CLYBL: variants seen among roughly 807,000 people sequenced by gnomAD.
CLYBL encodes citramalyl-CoA lyase, also known as citramalyl-CoA lyase, mitochondrial.
Under a neutral mutation model 38.9 loss-of-function variants are expected in CLYBL, and 31 were observed. The ratio of observed to expected loss-of-function variants is 0.80; its 90% CI spans 0.60 to 1.08. The LOEUF (loss-of-function observed/expected upper bound fraction) is 1.08, where lower values mean the gene tolerates loss of function less well. Among genes scored for constraint, CLYBL ranks in the 50% least tolerant of loss-of-function variants. CLYBL has a pLI of 0.00. For missense variants in CLYBL, 434 were observed against 411.6 expected, an observed-to-expected ratio of 1.05 and a Z score of -0.47; for synonymous variants, 171 against 158.6, an observed-to-expected ratio of 1.08 and a Z score of -0.59.
intron 1 of CLYBL, among the ~76,000 whole-genome samples, chr13:99,725,737 G>A (rs527281453): frequency 7.9e-5 from 12 of 152,206 alleles, no homozygotes; most frequent in South Asian, 4.1e-4. Context: ...ACATTTCCAC[G>A]CCGCTGAAAG....
intron 1 of CLYBL, among the ~76,000 whole-genome samples, chr13:99,689,603 A>G (rs2047870044): frequency 6.6e-6 from 1 of 152,238 alleles, no homozygotes; most frequent in Admixed American, 6.5e-5. Context: ...TGAAGACTGT[A>G]TTCAATTGTT....
At chr13:99,829,720 G>T (rs950767472) in intron 2 of CLYBL, among the ~76,000 whole-genome samples, 1 of 152,152 alleles carries the variant, frequency 6.6e-6, no homozygotes, top group Non-Finnish European at 1.5e-5. Flanking sequence ...TTTCCTCTAA[G>T]GGTACAGTGA....
intron 6 of CLYBL, among the ~76,000 whole-genome samples, chr13:99,866,682 T>G (rs2139233406): frequency 6.6e-6 from 1 of 151,946 alleles, no homozygotes; most frequent in Middle Eastern, 3.4e-3. Context: ...TGTTGTAGTC[T>G]TGGCTGACCT....
intron 1 of CLYBL, among the ~76,000 whole-genome samples, chr13:99,635,651 C>T (rs185700652): frequency 2.6e-5 from 4 of 152,312 alleles, no homozygotes; most frequent in Admixed American, 2.0e-4. Flanking sequence ...GGTCCTGTCC[C>T]GGCCTCCCAT....
At chr13:99,782,084 T>A (rs186320866) in intron 2 of CLYBL, among the ~76,000 whole-genome samples, 1 of 152,360 alleles carries the variant, frequency 6.6e-6, no homozygotes, top group East Asian at 1.9e-4. Context: ...ACTTTTTTTT[T>A]GCTTATCATT....
At chr13:99,752,013 A>G (rs2048967295) in intron 1 of CLYBL, among the ~76,000 whole-genome samples, 1 of 152,124 alleles carries the variant, frequency 6.6e-6, no homozygotes, top group Non-Finnish European at 1.5e-5. Context: ...CCCTTTCCAC[A>G]GTTACCTTTG....
intron 1 of CLYBL, among the ~76,000 whole-genome samples, chr13:99,733,207 T>A (rs890195048): frequency 2.0e-5 from 3 of 152,174 alleles, no homozygotes; most frequent in African/African-American, 7.2e-5. Context: ...GAGATTTATA[T>A]TAACTTTTAA....
At chr13:99,776,020 T>G (rs893995058) in intron 2 of CLYBL, among the ~76,000 whole-genome samples, 1 of 151,448 alleles carries the variant, frequency 6.6e-6, no homozygotes, top group Non-Finnish European at 1.5e-5. Flanking sequence ...AAAAATTAGC[T>G]GGGCGTGGTG....
chr13:99,651,911 G>A (rs1282100374), intron 1 of CLYBL, among the ~76,000 whole-genome samples: 3 of 145,192 alleles, frequency 2.1e-5, no homozygotes, highest in South Asian at 4.6e-4. Context: ...CAGCCTGGGC[G>A]ACAAAGCAAG....
At chr13:99,823,498 CT>C (rs1337949330) in intron 2 of CLYBL, among the ~76,000 whole-genome samples, 3 of 152,220 alleles carry the variant, frequency 2.0e-5, no homozygotes, top group Non-Finnish European at 4.4e-5. Flanking sequence ...CTGGCAACCA[CT>C]GATCTCTATA....
At chr13:99,665,598 A>C (rs1349271804) in intron 1 of CLYBL, among the ~76,000 whole-genome samples, 2 of 152,094 alleles carry the variant, frequency 1.3e-5, no homozygotes, top group Non-Finnish European at 2.9e-5. Context: ...TAAAAAAAAA[A>C]ACCCAAAACT....
chr13:99,874,639 TTA>T (rs2051993823), intron 7 of CLYBL, among the ~76,000 whole-genome samples: 1 of 152,158 alleles, frequency 6.6e-6, no homozygotes, highest in African/African-American at 2.4e-5. Context: ...AGAAATAATT[TTA>T]TATAAACACA....
chr13:99,677,885 A>G (rs2047677007), intron 1 of CLYBL, among the ~76,000 whole-genome samples: 1 of 152,368 alleles, frequency 6.6e-6, no homozygotes, highest in East Asian at 1.9e-4. Context: ...TGGATAAAGA[A>G]CTATCAGAAA....
Position 99,763,379 on chromosome 13 carries a change from G to A in CLYBL, c.63-9445G>A, listed in dbSNP as rs536317805. Among the ~76,000 whole-genome samples, 45 of 152,156 alleles carry A rather than the reference G, an allele frequency of 3.0e-4. No individual in the cohort carries two copies. In the South Asian group the frequency reaches 7.9e-3, roughly 27 times the overall value. On this transcript the variant is annotated intron_variant, in intron 1 of 8. Transcript: ENST00000339105. ...TTGATGAGGGTTTTGATCATAAAGC[G>A]ATGCTGAATTTTATCAAATGCTTTT... is the stretch of plus-strand genomic sequence containing the variant.
At chr13:99,712,386 A>T (rs1246955867) in intron 1 of CLYBL, among the ~76,000 whole-genome samples, 2 of 148,762 alleles carry the variant, frequency 1.3e-5, no homozygotes, top group African/African-American at 5.0e-5. Flanking sequence ...GCAGGCTAGA[A>T]TGCAGTGGCG....
chr13:99,791,354 C>T lies in CLYBL; in HGVS notation c.249+18344C>T, dbSNP rs576793822. 1.8e-4 allele frequency among the ~76,000 whole-genome samples: 16 copies of T among 88,032 alleles called. 1 individual carries two copies. The East Asian group carries it at 4.1e-3, about 22-fold the overall frequency. The allele number at this position is 88,032 out of a possible 152,430, so 57.8% of individuals were successfully genotyped here. A position where few individuals can be genotyped will look rare whatever the true frequency, so the allele number is the denominator to read the frequency against. On this transcript the variant is annotated intron_variant, in intron 2 of 8. Coordinates refer to ENST00000339105, the MANE Select transcript of CLYBL (RefSeq NM_206808.5). ...CTCTGAAATGCTACATAAATAGTGT[C>T]TTTTTTAAAAAAAAAACAAACAAAA...
intron 1 of CLYBL, among the ~76,000 whole-genome samples, chr13:99,734,999 T>A (rs9517864): frequency 0.18 from 27,430 of 152,230 alleles, 2,645 homozygotes; most frequent in Admixed American, 0.24. Flanking sequence ...AGCGCATATA[T>A]AACATCTTCC....
At chr13:99,684,783 A>G (rs1384450799) in intron 1 of CLYBL, among the ~76,000 whole-genome samples, 1 of 152,246 alleles carries the variant, frequency 6.6e-6, no homozygotes, top group Non-Finnish European at 1.5e-5. Flanking sequence ...TCCCACTGCT[A>G]CCACCCCATA....
At chr13:99,902,975 C>T (rs896929827) in intron 8 of CLYBL, among the ~76,000 whole-genome samples, 11 of 152,202 alleles carry the variant, frequency 7.2e-5, no homozygotes, top group Non-Finnish European at 1.5e-4. Context: ...CCGTCTTTGA[C>T]TTGTATTTCT....
Sources: gnomAD v4.1 joint callset for allele counts (sites outside exome capture counted in the v4.1 genomes callset) on GRCh38, gnomAD v4.1.1 for gene constraint, MANE v1.5 for transcripts, NCBI Gene and HGNC (gene_info 2026-07-23, HGNC 2026-07-21) for gene names.